The following STK39 variants were observed in gnomAD, a reference collection of about 807,000 sequenced individuals.
STK39 encodes STE20/SPS1-related proline-alanine-rich protein kinase.
A neutral mutation model predicts 77.8 loss-of-function variants in STK39; 20 were observed. The observed-to-expected ratio is 0.26, with a 90% CI of 0.18 to 0.37. STK39 has a LOEUF of 0.37. Ranked by LOEUF, STK39 falls within the 10% of genes least tolerant of loss-of-function variation. The pLI is 1.00. For synonymous variants in STK39, 246 were observed against 234.1 expected (o/e 1.05, Z -0.47); for missense variants, 479 against 656.5 (o/e 0.73, Z 2.95).
Position 168,046,434 on chromosome 2 carries a change from AAGG to A in STK39, c.1376+17063_1376+17065del, listed in dbSNP as rs1341181882. ...TAGTGAGACACGGCAGAGTGCAGAG[AAGG>A]AGCAGCCGTTCAGCATCCACGCACA... On this transcript the variant is annotated intron_variant, in intron 14 of 17. Transcript: ENST00000355999. Among the ~76,000 whole-genome samples the A allele has an allele frequency of 2.0e-5, 3 of 152,314 alleles. No homozygotes were observed. In the East Asian group the frequency reaches 5.8e-4, roughly 29 times the overall value.
At chr2:168,105,528 G>A (rs1017858571) in intron 10 of STK39, among the ~76,000 whole-genome samples, 1 of 152,230 alleles carries the variant, frequency 6.6e-6, no homozygotes, top group African/African-American at 2.4e-5. Context: ...AGGGCCTTGT[G>A]AAAGGGAGCC....
chr2:168,234,055 A>G (rs1690531969), intron 1 of STK39, among the ~76,000 whole-genome samples: 1 of 152,244 alleles, frequency 6.6e-6, no homozygotes, highest in Non-Finnish European at 1.5e-5. Context: ...AAATAGGTAC[A>G]GAGTGAAAAC....
chr2:168,194,089 T>C (rs749080699), intron 1 of STK39, among the ~76,000 whole-genome samples: 1 of 152,110 alleles, frequency 6.6e-6, no homozygotes, highest in Non-Finnish European at 1.5e-5. Context: ...AGAATAATAA[T>C]TCAGAAATGT....
chr2:168,116,449 C>T (rs977064024), intron 10 of STK39, among the ~76,000 whole-genome samples: 4 of 152,090 alleles, frequency 2.6e-5, no homozygotes, highest in Non-Finnish European at 4.4e-5. Context: ...AATCGAGTCC[C>T]TTGAATTTTA....
intron 10 of STK39, among the ~76,000 whole-genome samples, chr2:168,097,319 TGGA>T (rs1239345411): frequency 2.0e-5 from 3 of 152,240 alleles, no homozygotes; most frequent in African/African-American, 7.2e-5. Flanking sequence ...CACCTTTTCA[TGGA>T]GGAGCCCACC....
intron 12 of STK39, among the ~76,000 whole-genome samples, chr2:168,065,865 G>A (rs1055553919): frequency 6.6e-6 from 1 of 152,034 alleles, no homozygotes; most frequent in African/African-American, 2.4e-5. Context: ...AATACATAAG[G>A]ATAGTTGCAT....
chr2:168,040,347 G>T (rs1445796590), intron 14 of STK39, among the ~76,000 whole-genome samples: 1 of 152,088 alleles, frequency 6.6e-6, no homozygotes, highest in Non-Finnish European at 1.5e-5. Flanking sequence ...CACAAAAAAA[G>T]GAAAATATAA....
At chr2:168,192,994 G>A (rs1689377691) in intron 1 of STK39, among the ~76,000 whole-genome samples, 1 of 152,072 alleles carries the variant, frequency 6.6e-6, no homozygotes, top group African/African-American at 2.4e-5. Context: ...TAATGATTGG[G>A]CACAGAGAAA....
chr2:168,078,347 TGGTGGCCACCAGGCAAGATGTA>T lies in STK39; in HGVS notation c.1090-3138_1090-3117del, dbSNP rs369486146. 9.9e-3 allele frequency among the ~76,000 whole-genome samples: 1,515 copies of T among 152,310 alleles called. 29 individuals carry two copies. Among genetic ancestry groups the T allele is most frequent in the African/African-American group, 0.034 (1,396 of 41,556 alleles). ...GAGAAGCATGGTTCCTGGCCAGTGC[TGGTGGCCACCAGGCAAGATGTA>T]GGTGGCCACTGGGCAGGGCTAGGAT... On this transcript the variant is annotated intron_variant, in intron 10 of 17. Coordinates refer to ENST00000355999, the MANE Select transcript of STK39 (RefSeq NM_013233.3).
intron 14 of STK39, among the ~76,000 whole-genome samples, chr2:168,037,146 A>C (rs1181829806): frequency 1.3e-5 from 2 of 152,212 alleles, no homozygotes; most frequent in African/African-American, 4.8e-5. Flanking sequence ...GAAACCCTGT[A>C]ACTACCAAAA....
At chr2:168,193,424 A>G (rs1163672681) in intron 1 of STK39, among the ~76,000 whole-genome samples, 1 of 152,252 alleles carries the variant, frequency 6.6e-6, no homozygotes. Flanking sequence ...TGTCCAGTGC[A>G]GTGAAAAGTA....
intron 16 of STK39, among the ~76,000 whole-genome samples, chr2:167,968,255 T>C (rs1692216283): frequency 6.6e-6 from 1 of 152,232 alleles, no homozygotes; most frequent in Admixed American, 6.5e-5. Context: ...GCACATACTA[T>C]GCGTGTGTCT....
rs1256285134 is a variant in STK39, at chr2:168,093,039, C to G, written c.1090-17808G>C. The stretch of plus-strand genomic sequence containing the variant: ...ATGCATATTGGTCTCCTGTGCATCT[C>G]CCCCTGGAAGCCCTGCAAGAATCTC... On this transcript the variant is annotated intron_variant, in intron 10 of 17. Transcript: ENST00000355999. Among the ~76,000 whole-genome samples, 3 of 152,026 alleles carry G rather than the reference C, an allele frequency of 2.0e-5. No homozygotes were observed. In the East Asian group the frequency reaches 5.8e-4, roughly 29 times the overall value.
At chr2:168,128,763 T>C (rs560082316) in intron 10 of STK39, among the ~76,000 whole-genome samples, 32 of 152,372 alleles carry the variant, frequency 2.1e-4, no homozygotes, top group Non-Finnish European at 3.5e-4. Flanking sequence ...CATTTTTATT[T>C]ACAGCACAGA....
chr2:168,130,344 T>C lies in STK39; in HGVS notation c.975-586A>G, dbSNP rs115185161. On this transcript the variant is annotated intron_variant, in intron 8 of 17. Coordinates refer to ENST00000355999, the MANE Select transcript of STK39 (RefSeq NM_013233.3). Reference sequence around the variant, plus strand: ...ACCAGATGGTGTGATTATTTCCTCATGGTGTCATTCAACTTGCTTCTCTAG... The same window carrying C: ...ACCAGATGGTGTGATTATTTCCTCACGGTGTCATTCAACTTGCTTCTCTAG... Among the ~76,000 whole-genome samples the C allele has an allele frequency of 6.4e-3, 970 of 152,358 alleles. 10 individuals carry two copies. Among genetic ancestry groups the C allele is most frequent in the African/African-American group, 0.022 (919 of 41,580 alleles).
At chr2:168,063,741 T>C (rs1279505265) in intron 13 of STK39, among the ~76,000 whole-genome samples, 171 bp from the exon 14 acceptor site, 1 of 152,238 alleles carries the variant, frequency 6.6e-6, no homozygotes, top group Admixed American at 6.5e-5. Flanking sequence ...AAGGTTGTAA[T>C]GGTGCCTAAT....
At chr2:168,181,332 TTAA>T (rs1309378990) in intron 2 of STK39, among the ~76,000 whole-genome samples, 4 of 152,186 alleles carry the variant, frequency 2.6e-5, no homozygotes, top group African/African-American at 9.7e-5. Flanking sequence ...AGCTGTTCAT[TTAA>T]TAATGAGTCA....
chr2:168,071,406 A>C (rs1323601302), intron 12 of STK39, among the ~76,000 whole-genome samples: 1 of 152,206 alleles, frequency 6.6e-6, no homozygotes, highest in African/African-American at 2.4e-5. Context: ...ATAGTCAAAA[A>C]CAACTGAATT....
intron 1 of STK39, among the ~76,000 whole-genome samples, chr2:168,189,165 A>G (rs1268830950): frequency 6.6e-6 from 1 of 152,246 alleles, no homozygotes; most frequent in African/African-American, 2.4e-5. Flanking sequence ...AGTGAAATGT[A>G]CTTATGTTTC....
Sources: gnomAD v4.1 joint callset for allele counts (sites outside exome capture counted in the v4.1 genomes callset) on GRCh38, gnomAD v4.1.1 for gene constraint, MANE v1.5 for transcripts, NCBI Gene and HGNC (gene_info 2026-07-23, HGNC 2026-07-21) for gene names.